CEP350: variants seen among roughly 807,000 people sequenced by gnomAD.
CEP350 encodes centrosome-associated protein 350.
In CEP350, 126 loss-of-function variants were observed where a neutral mutation model predicts 331.8. That is an observed-to-expected ratio of 0.38 (90% CI 0.33 to 0.44). The LOEUF (loss-of-function observed/expected upper bound fraction) is 0.44. CEP350 is among the 20% of genes least tolerant of loss of function. CEP350 has a pLI of 1.00. For missense variants in CEP350, 3,406 were observed against 3,634.6 expected (o/e 0.94, Z 1.62); for synonymous variants, 1,200 against 1,259.5 (o/e 0.95, Z 1.00).
chr1:180,095,331 A>T (rs559508337), intron 34 of CEP350, 192 bp from the exon 35 acceptor site: 3 of 579,750 alleles, frequency 5.2e-6, no homozygotes, highest in Non-Finnish European at 8.3e-6. Flanking sequence ...CAAGGTTTAT[A>T]TAAGTAGAAT....
chr1:180,003,216 A>G lies in CEP350; in HGVS notation c.1061A>G (p.Lys354Arg). The change falls in exon 7 of 38, where the codon AAA (lysine) becomes AGA (arginine). Residue 354 changes from lysine (K) to arginine (R), a missense_variant. Lys to Arg is a conservative substitution (Grantham distance 26). Around this residue, in one of 5 missense-constraint regions of CEP350, gnomAD observed 1,857 missense variants for 1,909.2 expected, o/e 0.97. Transcript: ENST00000367607. ...ACCAAGATTCGAACACCTGATGGGA[A>G]AGTGTGGCAGGAGGCTGAGTTTCAA... ...SETKIRTPDGKVWQEAEFQNM... is the reference protein window; with the variant it reads ...SETKIRTPDGRVWQEAEFQNM... 1 of 1,613,496 alleles carries G rather than the reference A, an allele frequency of 6.2e-7. No individual in the cohort carries two copies. The highest frequency in any genetic ancestry group is 8.5e-7 in the Non-Finnish European group (1 of 1,179,684).
At chr1:180,047,263 G>A (rs1181708485) in intron 21 of CEP350, among the ~76,000 whole-genome samples, 3 of 152,170 alleles carry the variant, frequency 2.0e-5, no homozygotes, top group African/African-American at 7.2e-5. Flanking sequence ...ACCAAGAAAT[G>A]TAAGGAGGAG....
chr1:180,093,334 A>G lies in CEP350; in HGVS notation c.7229A>G (p.Gln2410Arg), dbSNP rs755626559. The G allele has an allele frequency of 3.8e-6, 6 of 1,598,958 alleles. No individual in the cohort carries two copies. Among genetic ancestry groups the G allele is most frequent in the Middle Eastern group, 1.7e-4 (1 of 6,046 alleles). Reference protein sequence around the residue: ...SSLLSLRKDSQSCRDKPQPMR... With the variant: ...SSLLSLRKDSRSCRDKPQPMR... Reference sequence around the variant, plus strand: ...TTGCTGTCACTCAGGAAAGACTCTCAGTCTTGCAGAGATAAGCCACAGCCA... The same window carrying G: ...TTGCTGTCACTCAGGAAAGACTCTCGGTCTTGCAGAGATAAGCCACAGCCA... Residue 2410 changes from glutamine (Q) to arginine (R), a missense_variant, in exon 34 of 38, where the codon CAG (glutamine) becomes CGG (arginine). Around this residue, in one of 5 missense-constraint regions of CEP350, gnomAD observed 1,415 missense variants for 1,512.3 expected, o/e 0.94. Coordinates refer to ENST00000367607, the MANE Select transcript of CEP350 (RefSeq NM_014810.5).
chr1:180,024,250 A>G lies in CEP350; in HGVS notation c.3387-169A>G, dbSNP rs533133360. Among the ~76,000 whole-genome samples the G allele has an allele frequency of 3.3e-5, 5 of 152,262 alleles. No individual in the cohort carries two copies. The East Asian group carries it at 7.7e-4, about 23-fold the overall frequency. ...ATTTTTCTTAGTAATAAATTGAACC[A>G]TAGGGAACAATCCAGGCTTATGGTG... is the stretch of plus-strand genomic sequence containing the variant. On this transcript the variant is annotated intron_variant, in intron 13 of 37. Transcript: ENST00000367607.
intron 8 of CEP350, among the ~76,000 whole-genome samples, chr1:180,006,782 G>A (rs193171194): frequency 3.9e-5 from 6 of 151,978 alleles, no homozygotes; most frequent in South Asian, 2.1e-4. Flanking sequence ...AACAAGCCCC[G>A]ATGTGTGATG....
chr1:180,046,461 C>T (rs1339744444), intron 21 of CEP350, among the ~76,000 whole-genome samples: 4 of 152,184 alleles, frequency 2.6e-5, no homozygotes, highest in Non-Finnish European at 5.9e-5. Context: ...GGATATCCCA[C>T]ATTTTATTTA....
chr1:180,093,804 C>T lies in CEP350; in HGVS notation c.7699C>T (p.Pro2567Ser). 6.2e-7 allele frequency: 1 copy of T among 1,613,798 alleles called. No homozygotes were observed. Among genetic ancestry groups the T allele is most frequent in the Non-Finnish European group, 8.5e-7 (1 of 1,179,824 alleles). ...TCCTCCTCAAAAAATATCTCACATT[C>T]CAGAAAACTTTGATGACTATGTAGA... Reference protein sequence around the residue: ...FAPPQKISHIPENFDDYVDIN... With the variant: ...FAPPQKISHISENFDDYVDIN... The change falls in exon 34 of 38, where the codon CCA (proline) becomes TCA (serine). Residue 2567 changes from proline (P) to serine (S), a missense_variant. Physicochemically the swap from Pro to Ser is moderately conservative, Grantham distance 74. Coordinates refer to ENST00000367607, the MANE Select transcript of CEP350 (RefSeq NM_014810.5).
intron 1 of CEP350, chr1:179,969,454 A>G: frequency 2.0e-6 from 1 of 491,326 alleles, no homozygotes; most frequent in Non-Finnish European, 4.1e-6. Context: ...AGACTGGTCT[A>G]CAGCTCCCAC....
intron 8 of CEP350, among the ~76,000 whole-genome samples, chr1:180,008,425 G>C (rs1012556832): frequency 3.8e-5 from 5 of 132,566 alleles, no homozygotes; most frequent in African/African-American, 1.0e-4. Context: ...ATAATGCCTG[G>C]CACATGATAA....
intron 25 of CEP350, among the ~76,000 whole-genome samples, chr1:180,056,465 T>TCC (rs58710356): frequency 0.011 from 366 of 34,218 alleles, 3 homozygotes; most frequent in African/African-American, 0.017. Flanking sequence ...CTTCTGCCCC[T>TCC]CCCCCCCCCC....
intron 37 of CEP350, among the ~76,000 whole-genome samples, chr1:180,107,846 A>AAAAC (rs1661233319): frequency 6.6e-6 from 1 of 152,070 alleles, no homozygotes; most frequent in African/African-American, 2.4e-5. Context: ...AAAACAAAAC[A>AAAAC]AAACAAAACA....
rs776938204 is a variant in CEP350, at chr1:180,022,663, G to A, written c.3236-35G>A. On this transcript the variant is annotated intron_variant, in intron 12 of 37. Transcript: ENST00000367607. ...CTTTTCTTACAGTTTCTTGATTTTC[G>A]TTTTTAACCATGTTTCAATTATTAC... 1.9e-5 allele frequency: 30 copies of A among 1,586,764 alleles called. No individual in the cohort carries two copies. The East Asian group carries it at 2.2e-4, about 12-fold the overall frequency.
chr1:180,003,776 C>A (rs2148751984), intron 7 of CEP350, among the ~76,000 whole-genome samples: 1 of 152,284 alleles, frequency 6.6e-6, no homozygotes, highest in Non-Finnish European at 1.5e-5. Context: ...AATAATGGTA[C>A]TACCTACCGA....
At chr1:180,062,501 G>C (rs1205691673) in intron 26 of CEP350, 135 bp downstream of exon 26, 15 of 1,180,140 alleles carry the variant, frequency 1.3e-5, no homozygotes, top group Admixed American at 3.6e-5. Flanking sequence ...TCTATGGATG[G>C]GCCAGTCTTA....
chr1:180,036,586 A>C (rs906821026), intron 16 of CEP350, among the ~76,000 whole-genome samples: 7 of 152,232 alleles, frequency 4.6e-5, no homozygotes, highest in African/African-American at 1.7e-4. Flanking sequence ...TAAGATGATC[A>C]TTAGCATTTT....
intron 24 of CEP350, among the ~76,000 whole-genome samples, chr1:180,054,139 C>G (rs1008582335): frequency 3.3e-5 from 5 of 152,196 alleles, no homozygotes; most frequent in Non-Finnish European, 7.3e-5. Flanking sequence ...CCCCTTTTAT[C>G]ACTTAACTGA....
intron 16 of CEP350, among the ~76,000 whole-genome samples, chr1:180,035,099 C>T (rs973407479): frequency 6.6e-6 from 1 of 152,064 alleles, no homozygotes; most frequent in Non-Finnish European, 1.5e-5. Context: ...GTTTTAGGGA[C>T]CAAGATAGAA....
chr1:180,060,393 A>G (rs1658121278), intron 25 of CEP350, among the ~76,000 whole-genome samples: 1 of 152,258 alleles, frequency 6.6e-6, no homozygotes, highest in Non-Finnish European at 1.5e-5. Flanking sequence ...TCATGCCTAT[A>G]ATCCCAGTGC....
intron 1 of CEP350, among the ~76,000 whole-genome samples, chr1:179,970,847 C>T (rs745771479): frequency 1.3e-5 from 2 of 152,206 alleles, no homozygotes; most frequent in Non-Finnish European, 2.9e-5. Context: ...CATTGTTTCA[C>T]AGATGTTTTG....
Sources: allele counts gnomAD v4.1 joint callset (sites outside exome capture counted in the v4.1 genomes callset), GRCh38; gene constraint gnomAD v4.1.1; regional missense constraint gnomAD v4.1.1; transcripts MANE v1.5; gene names NCBI Gene and HGNC (gene_info 2026-07-23, HGNC 2026-07-21).